Variants in MTCL1 observed in about 807,000 individuals in gnomAD.
MTCL1 encodes the protein microtubule crosslinking factor 1.
Under a neutral mutation model 141.4 loss-of-function variants are expected in MTCL1, and 79 were observed. The ratio of observed to expected loss-of-function variants is 0.56; its 90% confidence interval spans 0.47 to 0.67. The LOEUF (loss-of-function observed/expected upper bound fraction) is 0.67, where lower values mean the gene tolerates loss of function less well. Among genes scored for constraint, MTCL1 ranks in the 30% least tolerant of loss-of-function variants. MTCL1 has a pLI of 0.00. For missense variants in MTCL1, 2,177 were observed against 2,113.9 expected, an observed-to-expected ratio of 1.03 and a Z score of -0.59; for synonymous variants, 914 against 875.8, an observed-to-expected ratio of 1.04 and a Z score of -0.77.
chr18:8,817,766 C>T (rs578142171), intron 12 of MTCL1, among the ~76,000 whole-genome samples: 3 of 152,312 alleles, frequency 2.0e-5, no homozygotes, highest in East Asian at 3.9e-4. Context: ...TCACTTTCAT[C>T]GTTCAGATAC....
intron 4 of MTCL1, among the ~76,000 whole-genome samples, chr18:8,739,104 G>T (rs1291425971): frequency 6.6e-6 from 1 of 152,112 alleles, no homozygotes; most frequent in Non-Finnish European, 1.5e-5. Context: ...AATTAGCCAG[G>T]TGTGGTGACA....
intron 4 of MTCL1, among the ~76,000 whole-genome samples, chr18:8,756,318 T>C (rs1298455475): frequency 6.6e-6 from 1 of 151,896 alleles, no homozygotes; most frequent in South Asian, 2.1e-4. Context: ...TGTGTGTATG[T>C]ATGTGTGTAT....
At chr18:8,780,461 G>A (rs2096528971) in intron 5 of MTCL1, among the ~76,000 whole-genome samples, 1 of 152,232 alleles carries the variant, frequency 6.6e-6, no homozygotes, top group Non-Finnish European at 1.5e-5. Flanking sequence ...TGGAGAGTGG[G>A]GCTGAGTTTC....
At chr18:8,728,086 C>T (rs1416227949) in intron 4 of MTCL1, among the ~76,000 whole-genome samples, 4 of 152,172 alleles carry the variant, frequency 2.6e-5, no homozygotes, top group Admixed American at 2.6e-4. Context: ...TAGAAAGCTT[C>T]AACTTTAATC....
exon 15 of MTCL1, chr18:8,826,207 A>G (rs746782054): frequency 1.1e-5 from 17 of 1,606,296 alleles, no homozygotes; most frequent in Non-Finnish European, 1.4e-5. Context: ...TCGCTGGGGG[A>G]CACAGCCGAG....
At chr18:8,776,747 T>G (rs1366996449) in intron 4 of MTCL1, among the ~76,000 whole-genome samples, 1 of 150,656 alleles carries the variant, frequency 6.6e-6, no homozygotes, top group East Asian at 1.9e-4. Flanking sequence ...ATTTATTTAT[T>G]TATTTATTTA....
At chr18:8,792,665 G>A (rs1376673644) in intron 7 of MTCL1, among the ~76,000 whole-genome samples, 2 of 152,218 alleles carry the variant, frequency 1.3e-5, no homozygotes, top group Admixed American at 6.5e-5. Flanking sequence ...CCGGCGTCCA[G>A]AAGCCACTGT....
chr18:8,799,282 A>C (rs1052414084), intron 10 of MTCL1, among the ~76,000 whole-genome samples: 2 of 152,254 alleles, frequency 1.3e-5, no homozygotes, highest in African/African-American at 4.8e-5. Flanking sequence ...GCTCAGATCC[A>C]GATGAGGACA....
chr18:8,753,954 GAT>G (rs1384075365), intron 4 of MTCL1, among the ~76,000 whole-genome samples: 4 of 152,172 alleles, frequency 2.6e-5, no homozygotes, highest in Non-Finnish European at 5.9e-5. Flanking sequence ...ACCATTTGGT[GAT>G]ATACTTCAAA....
chr18:8,733,486 A>G (rs895666172), intron 4 of MTCL1, among the ~76,000 whole-genome samples: 6 of 152,058 alleles, frequency 3.9e-5, no homozygotes, highest in African/African-American at 1.2e-4. Flanking sequence ...CCTCACTGCA[A>G]CCTTTGCCTC....
chr18:8,783,185 A>AT (rs1457144700), intron 5 of MTCL1, among the ~76,000 whole-genome samples: 1 of 152,054 alleles, frequency 6.6e-6, no homozygotes, highest in Non-Finnish European at 1.5e-5. Context: ...GGGGTTGCGC[A>AT]TTCCCGCTGG....
At chr18:8,783,203 G>A (rs541340579) in intron 5 of MTCL1, among the ~76,000 whole-genome samples, 1 of 152,222 alleles carries the variant, frequency 6.6e-6, no homozygotes, top group South Asian at 2.1e-4. Flanking sequence ...TGGGTTTTGG[G>A]CCTCATTTCG....
At chr18:8,829,010 T>C in intron 16 of MTCL1, 1 of 1,613,864 alleles carries the variant, frequency 6.2e-7, no homozygotes, top group Non-Finnish European at 8.5e-7. Context: ...AGAGGTCGTG[T>C]TGTGTAACTC....
At chr18:8,786,294 G>A in intron 7 of MTCL1, 1 of 715,070 alleles carries the variant, frequency 1.4e-6, no homozygotes, top group Non-Finnish European at 2.5e-6. Flanking sequence ...GTGAACTGCT[G>A]TGCTCGTCAG....
chr18:8,731,392 G>A (rs1484510491), intron 4 of MTCL1, among the ~76,000 whole-genome samples: 1 of 152,042 alleles, frequency 6.6e-6, no homozygotes, highest in Admixed American at 6.6e-5. Flanking sequence ...TAGCCAACAT[G>A]GTGAAACCCC....
rs376670774 is a variant in MTCL1 at position 8,783,988 on chromosome 18, C to T, written c.876C>T (p.Ile292=). 5 of 1,613,680 alleles carry T rather than the reference C, an allele frequency of 3.1e-6. No homozygotes were observed. In the African/African-American group the frequency reaches 6.7e-5, roughly 22 times the overall value. ...AAGCGGAGTTGCTCCGGAGGTCCAT[C>T]TCCGAGATCGAAGACCACAACCGGC... Residue 292 remains isoleucine, a synonymous_variant, in exon 6 of 17, where the codon ATC becomes ATT. Coordinates refer to ENST00000359865, the Ensembl canonical transcript of MTCL1.
intron 4 of MTCL1, among the ~76,000 whole-genome samples, chr18:8,756,407 G>GTATATA (rs1567983492): frequency 3.3e-5 from 5 of 149,624 alleles, no homozygotes; most frequent in Middle Eastern, 3.6e-3. Context: ...GTATATATGT[G>GTATATA]TGTATATGTG....
intron 3 of MTCL1, chr18:8,720,087 C>T (rs149857751): frequency 2.6e-6 from 1 of 387,324 alleles, no homozygotes; most frequent in Non-Finnish European, 4.6e-6. Flanking sequence ...ACTTTAGTGA[C>T]ACTAAGGTTA....
In MTCL1 at chr18:8,820,279, G is replaced by A. The variant is rs570272976; in HGVS notation, c.3156+1020G>A. ...AAAAAAATTAGCCAGGCGTGGTGGC[G>A]GGTGCCTGTAGTCCCAGCTACTTGG... On this transcript the variant is annotated intron_variant, in intron 13 of 16. Coordinates refer to ENST00000359865, the Ensembl canonical transcript of MTCL1. Among the ~76,000 whole-genome samples the A allele has an allele frequency of 5.9e-5, 9 of 152,070 alleles. No homozygotes were observed. The South Asian group carries it at 6.2e-4, about 11-fold the overall frequency.
Sources: allele counts gnomAD v4.1 joint callset (sites outside exome capture counted in the v4.1 genomes callset), GRCh38; gene constraint gnomAD v4.1.1; transcripts MANE v1.5; gene names NCBI Gene and HGNC (gene_info 2026-07-23, HGNC 2026-07-21).